SMC5: variants seen among roughly 807,000 people sequenced by gnomAD.
The protein encoded by SMC5 is structural maintenance of chromosomes protein 5.
A neutral mutation model predicts 148.3 loss-of-function variants in SMC5; 88 were observed. The observed-to-expected ratio is 0.59, with a 90% CI of 0.50 to 0.71. The LOEUF (loss-of-function observed/expected upper bound fraction) is 0.71, where lower values mean the gene tolerates loss of function less well. Ranked by LOEUF, SMC5 falls within the 30% of genes least tolerant of loss-of-function variation. The pLI is 0.00. For missense variants in SMC5, 1,142 were observed against 1,298.9 expected (o/e 0.88, Z 1.86); for synonymous variants, 421 against 432.8 (o/e 0.97, Z 0.34).
At chr9:70,288,777 C>G (rs2034976205) in intron 8 of SMC5, among the ~76,000 whole-genome samples, 1 of 151,996 alleles carries the variant, frequency 6.6e-6, no homozygotes. Context: ...ATGTCAAGTT[C>G]TACTTAACAC....
chr9:70,291,747 C>G (rs547695474), intron 8 of SMC5, among the ~76,000 whole-genome samples: 18 of 152,198 alleles, frequency 1.2e-4, no homozygotes, highest in African/African-American at 4.3e-4. Flanking sequence ...ACAAACAAGC[C>G]TTATACAACT....
chr9:70,285,383 T>A (rs2034867197), intron 7 of SMC5, among the ~76,000 whole-genome samples: 1 of 152,204 alleles, frequency 6.6e-6, no homozygotes, highest in African/African-American at 2.4e-5. Flanking sequence ...AAAAGTCCTG[T>A]CTACAAGGGA....
intron 8 of SMC5, among the ~76,000 whole-genome samples, chr9:70,287,192 G>C (rs535604999): frequency 7.9e-5 from 12 of 152,228 alleles, no homozygotes; most frequent in African/African-American, 1.9e-4. Flanking sequence ...TTTTTGATAT[G>C]TGCAGCTTCT....
At position 70,317,233 on chromosome 9, in the gene SMC5, A is replaced by G. The variant is rs77136172; in HGVS notation, c.1807-1281A>G. ...AATAATGGCTGTATCTCTTCCTCAGAATAAAAGTATACTCTTTATGTTTTC... is the reference window on the plus strand; with the variant it reads ...AATAATGGCTGTATCTCTTCCTCAGGATAAAAGTATACTCTTTATGTTTTC... On this transcript the variant is annotated intron_variant, in intron 13 of 24. Coordinates refer to ENST00000361138, the MANE Select transcript of SMC5 (RefSeq NM_015110.4). Among the ~76,000 whole-genome samples the G allele has an allele frequency of 0.013, 2,047 of 152,206 alleles. 145 individuals carry two copies. The East Asian group carries it at 0.22, about 17-fold the overall frequency.
At chr9:70,322,815 A>G (rs1432993039) in intron 15 of SMC5, among the ~76,000 whole-genome samples, 1 of 152,192 alleles carries the variant, frequency 6.6e-6, no homozygotes, top group Non-Finnish European at 1.5e-5. Context: ...AGCCTAGGCA[A>G]AAGAATAAGA....
intron 17 of SMC5, among the ~76,000 whole-genome samples, chr9:70,333,703 C>G (rs914757127): frequency 6.6e-6 from 1 of 152,182 alleles, no homozygotes; most frequent in South Asian, 2.1e-4. Context: ...TGCACTCCAG[C>G]CTGGGTGACA....
intron 8 of SMC5, among the ~76,000 whole-genome samples, chr9:70,292,317 CTATT>C (rs1343881299): frequency 1.3e-5 from 2 of 152,068 alleles, no homozygotes; most frequent in East Asian, 3.9e-4. Flanking sequence ...TGGTCTGTCT[CTATT>C]TATTTAGATT....
chr9:70,330,247 T>C (rs1161590430), intron 17 of SMC5, among the ~76,000 whole-genome samples: 4 of 152,206 alleles, frequency 2.6e-5, no homozygotes, highest in African/African-American at 9.6e-5. Context: ...TTAGAATGTT[T>C]AGCAGTATTC....
chr9:70,266,109 ATCAAAAAATT>A (rs1343703619), intron 2 of SMC5, among the ~76,000 whole-genome samples: 1 of 152,200 alleles, frequency 6.6e-6, no homozygotes, highest in African/African-American at 2.4e-5. Context: ...TAAAGCAAGT[ATCAAAAAATT>A]TCAAAAAATG....
intron 17 of SMC5, among the ~76,000 whole-genome samples, chr9:70,325,884 C>T (rs534032351): frequency 6.6e-6 from 1 of 151,970 alleles, no homozygotes; most frequent in East Asian, 1.9e-4. Flanking sequence ...CTATTAAGGA[C>T]ATAAGGATAT....
intron 8 of SMC5, among the ~76,000 whole-genome samples, chr9:70,297,436 T>C (rs946383566): frequency 6.6e-6 from 1 of 152,182 alleles, no homozygotes; most frequent in African/African-American, 2.4e-5. Flanking sequence ...ACAACTAATA[T>C]AGTGCAAAAA....
At chr9:70,298,282 ACTTT>A (rs1047184073) in intron 9 of SMC5, 61 bp downstream of exon 9, 2 of 1,501,210 alleles carry the variant, frequency 1.3e-6, no homozygotes, top group African/African-American at 2.8e-5. Context: ...CTGTTGATGA[ACTTT>A]CTTCTGCTTC....
rs1454243761 is a variant in SMC5, at chr9:70,331,852, CA to C, written c.2397+7711del. Among the ~76,000 whole-genome samples the C allele has an allele frequency of 5.9e-5, 9 of 152,160 alleles. No homozygotes were observed. The East Asian group carries it at 1.7e-3, about 29-fold the overall frequency. ...CAAATAGAGGTTTTCAGACATTGGA[CA>C]ACAGGCAGCACAGGACAGTGATCCT... is the stretch of plus-strand genomic sequence containing the variant. On this transcript the variant is annotated intron_variant, in intron 17 of 24. Coordinates refer to ENST00000361138, the MANE Select transcript of SMC5 (RefSeq NM_015110.4).
intron 8 of SMC5, among the ~76,000 whole-genome samples, chr9:70,288,436 A>T (rs1453560737): frequency 6.6e-6 from 1 of 151,740 alleles, no homozygotes; most frequent in African/African-American, 2.4e-5. Context: ...TTTTCAACTA[A>T]TTTTTTTTAA....
At chr9:70,321,061 A>G (rs1366121337) in intron 15 of SMC5, among the ~76,000 whole-genome samples, 1 of 152,194 alleles carries the variant, frequency 6.6e-6, no homozygotes, top group Non-Finnish European at 1.5e-5. Context: ...AGTTTCAGGT[A>G]TCCCCAGGAG....
Position 70,298,262 on chromosome 9 carries a change from A to G in SMC5, c.1309+41A>G, listed in dbSNP as rs752839320. The G allele has an allele frequency of 3.2e-6, 5 of 1,568,306 alleles. No homozygotes were observed. In the South Asian group the frequency reaches 6.0e-5, roughly 19 times the overall value. On this transcript the variant is annotated intron_variant, in intron 9 of 24. Transcript: ENST00000361138. ...TTAGAATGAAATGTTTATAAAATGT[A>G]GATACATCTCTGTTGATGAACTTTC...
chr9:70,348,429 C>G (rs954808), intron 22 of SMC5, among the ~76,000 whole-genome samples: 1 of 151,696 alleles, frequency 6.6e-6, no homozygotes, highest in Non-Finnish European at 1.5e-5. Flanking sequence ...TGGTGGCTCA[C>G]GCCTGTAATC....
chr9:70,318,597 T>C lies in SMC5; in HGVS notation c.1890T>C (p.Val630=). The stretch of plus-strand genomic sequence containing the variant: ...AAACTTCTTTTTATTCAAACAAAGT[T>C]ATTTCTAGTAACACATCTCTAAAAG... ...VVKTSFYSNK[V]ISSNTSLKVA... The change falls in exon 14 of 25, where the codon GTT becomes GTC. Residue 630 remains valine, a synonymous_variant. Transcript: ENST00000361138. 6.2e-7 allele frequency: 1 copy of C among 1,612,932 alleles called. No individual in the cohort carries two copies. Among genetic ancestry groups the C allele is most frequent in the South Asian group, 1.1e-5 (1 of 90,870 alleles).
At chr9:70,301,900 C>T (rs941986424) in intron 10 of SMC5, among the ~76,000 whole-genome samples, 4 of 152,166 alleles carry the variant, frequency 2.6e-5, no homozygotes, top group Non-Finnish European at 5.9e-5. Flanking sequence ...CCATCAACCA[C>T]CAGATCATCA....
Sources: gnomAD v4.1 joint callset for allele counts (sites outside exome capture counted in the v4.1 genomes callset) on GRCh38, gnomAD v4.1.1 for gene constraint, MANE v1.5 for transcripts, NCBI Gene and HGNC (gene_info 2026-07-23, HGNC 2026-07-21) for gene names.